MTHFD2L: variants seen among roughly 807,000 people sequenced by gnomAD.
MTHFD2L encodes bifunctional methylenetetrahydrofolate dehydrogenase/cyclohydrolase 2, mitochondrial.
In MTHFD2L, 29 loss-of-function variants were observed where a neutral mutation model predicts 34.9. The ratio of observed to expected loss-of-function variants is 0.83; its 90% CI spans 0.62 to 1.13. The LOEUF (loss-of-function observed/expected upper bound fraction) is 1.13, where lower values mean the gene tolerates loss of function less well. MTHFD2L is among the 50% of genes most tolerant of loss of function. The pLI is 0.00. For missense variants in MTHFD2L, 481 were observed against 446.5 expected (o/e 1.08, Z -0.70); for synonymous variants, 167 against 155.7 (o/e 1.07, Z -0.54).
intron 6 of MTHFD2L, among the ~76,000 whole-genome samples, chr4:74,234,796 A>T (rs571003378): frequency 1.1e-3 from 160 of 149,536 alleles, no homozygotes; most frequent in African/African-American, 3.4e-3. Flanking sequence ...AAAAGGAGAC[A>T]GTGTGTGTGT....
At chr4:74,165,902 C>T (rs763801066) in intron 1 of MTHFD2L, among the ~76,000 whole-genome samples, 73 of 152,052 alleles carry the variant, frequency 4.8e-4, no homozygotes, top group Non-Finnish European at 5.4e-4. Context: ...TTTTCTTTGA[C>T]AAATATTTAG....
intron 5 of MTHFD2L, among the ~76,000 whole-genome samples, chr4:74,211,479 A>T (rs1222098315): frequency 6.6e-6 from 1 of 152,216 alleles, no homozygotes; most frequent in East Asian, 1.9e-4. Flanking sequence ...TATGTGATGG[A>T]TTCCGTTTGT....
intron 5 of MTHFD2L, among the ~76,000 whole-genome samples, chr4:74,216,709 T>C (rs1041006127): frequency 2.6e-5 from 4 of 151,762 alleles, no homozygotes; most frequent in East Asian, 1.9e-4. Context: ...GTACCATCAG[T>C]TTTTCTGATT....
At chr4:74,172,023 C>T (rs2109947236) in intron 1 of MTHFD2L, among the ~76,000 whole-genome samples, 1 of 152,160 alleles carries the variant, frequency 6.6e-6, no homozygotes, top group South Asian at 2.1e-4. Context: ...CTATGTGAAT[C>T]AATTAAAAAA....
At chr4:74,154,187 A>C (rs1226669400), upstream of MTHFD2L, among the ~76,000 whole-genome samples, 1 of 152,182 alleles carries the variant, frequency 6.6e-6, no homozygotes, top group Non-Finnish European at 1.5e-5. Context: ...GCAGAGGTAA[A>C]GTACAATTCT....
At chr4:74,191,697 C>T (rs937176141) in intron 3 of MTHFD2L, among the ~76,000 whole-genome samples, 2 of 151,828 alleles carry the variant, frequency 1.3e-5, no homozygotes, top group African/African-American at 2.4e-5. Flanking sequence ...ATTACAGGCA[C>T]CTGCCACCAC....
At chr4:74,177,187 C>T (rs1259367532) in intron 3 of MTHFD2L, among the ~76,000 whole-genome samples, 1 of 151,882 alleles carries the variant, frequency 6.6e-6, no homozygotes, top group Non-Finnish European at 1.5e-5. Flanking sequence ...ACACGTGCAG[C>T]ACTCTTATAT....
chr4:74,242,080 G>A (rs2045618), intron 6 of MTHFD2L: 102,148 of 151,916 alleles, frequency 0.67, 35,708 homozygotes, highest in Middle Eastern at 0.79. Context: ...GTATAATATT[G>A]TCCTGTAGTT....
At chr4:74,270,352 G>A (rs963438999) in intron 6 of MTHFD2L, among the ~76,000 whole-genome samples, 3 of 151,614 alleles carry the variant, frequency 2.0e-5, no homozygotes, top group Admixed American at 2.0e-4. Context: ...CCCGGTGTGC[G>A]ATGTTCCCCT....
chr4:74,147,568 T>C (rs1415415317), intron 1 of MTHFD2L, among the ~76,000 whole-genome samples: 1 of 152,238 alleles, frequency 6.6e-6, no homozygotes, highest in Non-Finnish European at 1.5e-5. Context: ...TAATGCTTCC[T>C]GCAGGTTAAG....
intron 6 of MTHFD2L, among the ~76,000 whole-genome samples, chr4:74,249,627 C>A (rs555699026): frequency 1.3e-5 from 2 of 152,074 alleles, no homozygotes; most frequent in Admixed American, 6.6e-5. Flanking sequence ...ACCTGTTGTG[C>A]CTTTCCATGT....
At chr4:74,135,168 A>G (rs1309466997) in intron 1 of MTHFD2L, among the ~76,000 whole-genome samples, 1 of 152,148 alleles carries the variant, frequency 6.6e-6, no homozygotes, top group Non-Finnish European at 1.5e-5. Flanking sequence ...TACTAATCAA[A>G]CTGTCAAAGA....
chr4:74,279,910 A>G (rs1328452541), intron 6 of MTHFD2L, among the ~76,000 whole-genome samples: 2 of 152,108 alleles, frequency 1.3e-5, no homozygotes, highest in East Asian at 1.9e-4. Flanking sequence ...AGCTATATCT[A>G]TGTTGACACT....
chr4:74,232,211 C>T (rs1278783974), intron 6 of MTHFD2L, among the ~76,000 whole-genome samples: 1 of 152,050 alleles, frequency 6.6e-6, no homozygotes, highest in Non-Finnish European at 1.5e-5. Flanking sequence ...CATGAGGGAC[C>T]AACTTTATGG....
intron 3 of MTHFD2L, among the ~76,000 whole-genome samples, chr4:74,192,807 T>G (rs1732785504): frequency 6.6e-6 from 1 of 152,038 alleles, no homozygotes; most frequent in African/African-American, 2.4e-5. Flanking sequence ...TTTTAATGAT[T>G]TAACTTTGAG....
At chr4:74,167,691 ATAT>A (rs1321975431) in intron 1 of MTHFD2L, among the ~76,000 whole-genome samples, 4 of 152,142 alleles carry the variant, frequency 2.6e-5, no homozygotes, top group African/African-American at 7.2e-5. Flanking sequence ...GGCAGAGGGA[ATAT>A]TATATCTGAA....
At chr4:74,138,426 C>T (rs2109826935) in intron 1 of MTHFD2L, among the ~76,000 whole-genome samples, 1 of 152,258 alleles carries the variant, frequency 6.6e-6, no homozygotes, top group Non-Finnish European at 1.5e-5. Context: ...TCACGGATTC[C>T]AAGGAATGGA....
intron 3 of MTHFD2L, among the ~76,000 whole-genome samples, chr4:74,193,761 T>C (rs545289520): frequency 2.6e-5 from 4 of 152,328 alleles, no homozygotes; most frequent in East Asian, 1.9e-4. Context: ...TTTTCTTATA[T>C]TGACTTTGTA....
intron 7 of MTHFD2L, among the ~76,000 whole-genome samples, chr4:74,297,841 C>T (rs757526787): frequency 2.6e-5 from 4 of 152,020 alleles, no homozygotes; most frequent in Non-Finnish European, 4.4e-5. Flanking sequence ...TTAAGATCGC[C>T]CTGAAATAGT....
Sources: gnomAD v4.1 joint callset for allele counts (sites outside exome capture counted in the v4.1 genomes callset) on GRCh38, gnomAD v4.1.1 for gene constraint, MANE v1.5 for transcripts, NCBI Gene and HGNC (gene_info 2026-07-23, HGNC 2026-07-21) for gene names.